The following WNT16 variants were observed in gnomAD, a reference collection of about 807,000 sequenced individuals.
WNT16 encodes the protein Wnt family member 16, also known as protein Wnt-16.
WNT16 carries 20 observed loss-of-function variants against 35.4 expected under a neutral mutation model. The ratio of observed to expected loss-of-function variants is 0.56; its 90% CI spans 0.40 to 0.82. The LOEUF (loss-of-function observed/expected upper bound fraction) is 0.82, where lower values mean the gene tolerates loss of function less well. Ranked by LOEUF, WNT16 falls within the 40% of genes least tolerant of loss-of-function variation. The pLI is 0.00. For missense variants in WNT16, 461 were observed against 466.0 expected (o/e 0.99, Z 0.10); for synonymous variants, 180 against 179.2 (o/e 1.00, Z -0.03).
intron 3 of WNT16, among the ~76,000 whole-genome samples, chr7:121,335,420 T>A (rs1793426582): frequency 6.6e-6 from 1 of 152,114 alleles, no homozygotes; most frequent in South Asian, 2.1e-4. Flanking sequence ...CCCTCCTGAT[T>A]GCTCTGACAT....
intron 3 of WNT16, among the ~76,000 whole-genome samples, chr7:121,333,641 G>A (rs1793388808): frequency 1.3e-5 from 2 of 151,916 alleles, no homozygotes; most frequent in South Asian, 4.1e-4. Context: ...ATTTTGAAAA[G>A]GTTAAATGTA....
In WNT16 at chr7:121,339,084, C is replaced by T. The variant is rs758183952; in HGVS notation, c.837C>T (p.Ile279=). ...RREKDQRKIP[I]HKDDLLYVNK... ...AAAAAGATCAGAGGAAAATACCAAT[C>T]CATAAGGATGATCTGCTCTATGTTA... Residue 279 remains isoleucine (I), a synonymous_variant, in exon 4 of 4, where the codon ATC becomes ATT. Coordinates refer to ENST00000222462, the MANE Select transcript of WNT16 (RefSeq NM_057168.2). 6 of 1,614,132 alleles carry T rather than the reference C, an allele frequency of 3.7e-6. No individual in the cohort carries two copies. Among genetic ancestry groups the T allele is most frequent in the Non-Finnish European group, 2.5e-6 (3 of 1,180,022 alleles).
rs1244265154 is a variant in WNT16 at position 121,329,280 on chromosome 7, C to G, written c.-13C>G. ...AGAGGAGCGGCTGGGCTGGGGGACT[C>G]CATGCGGGGGCGATGGACAGGGCGG... On this transcript the variant is annotated 5_prime_UTR_variant, in exon 1 of 4. Coordinates refer to ENST00000222462, the MANE Select transcript of WNT16 (RefSeq NM_057168.2). 4 of 1,548,858 alleles carry G rather than the reference C, an allele frequency of 2.6e-6. No homozygotes were observed. In the Admixed American group the frequency reaches 7.9e-5, roughly 31 times the overall value.
At chr7:121,329,503 A>T (rs908857461) in intron 1 of WNT16, 64 bp from the exon 2 acceptor site, 11 of 1,600,850 alleles carry the variant, frequency 6.9e-6, no homozygotes, top group Non-Finnish European at 9.4e-6. Context: ...CGAGTGACCT[A>T]ATTTTTCGGA....
rs1402635469 is a variant in WNT16, at chr7:121,331,880, A to G, written c.549A>G (p.Leu183=). 1.2e-6 allele frequency: 2 copies of G among 1,614,202 alleles called. No homozygotes were observed. The highest frequency in any genetic ancestry group is 1.1e-5 in the South Asian group (1 of 91,082). The change falls in exon 3 of 4, where the codon CTA becomes CTG. Residue 183 remains leucine (L), a synonymous_variant. Transcript: ENST00000222462. ...QYGMWFSRKF[L]DFPIGNTTGK... is the part of the protein sequence containing the mutation. Reference sequence around the variant, plus strand: ...GCATGTGGTTCAGCAGAAAGTTCCTAGATTTCCCCATCGGAAACACCACGG... The same window carrying G: ...GCATGTGGTTCAGCAGAAAGTTCCTGGATTTCCCCATCGGAAACACCACGG...
chr7:121,338,600 A>G (rs938461841), intron 3 of WNT16, among the ~76,000 whole-genome samples: 2 of 152,244 alleles, frequency 1.3e-5, no homozygotes, highest in African/African-American at 2.4e-5. Context: ...TTGTTATCGC[A>G]GATAATCTCC....
chr7:121,340,419 CTATT>C lies in WNT16; in HGVS notation c.*1076_*1079del, dbSNP rs1793513630. ...CTTATTTTTTTTCATACTATTAATG[CTATT>C]TTTTTGGACATCGAAGAGAATTTAA... On this transcript the variant is annotated 3_prime_UTR_variant, in exon 4 of 4. Transcript: ENST00000222462. 6.6e-6 allele frequency: 1 copy of C among 151,756 alleles called. No individual in the cohort carries two copies. Among genetic ancestry groups the C allele is most frequent in the African/African-American group, 2.4e-5 (1 of 41,310 alleles). 9.4% of individuals were successfully genotyped at this position (151,756 alleles called of 1,614,324 possible).
intron 2 of WNT16, among the ~76,000 whole-genome samples, chr7:121,330,101 CTA>C (rs1793314774): frequency 6.6e-6 from 1 of 152,216 alleles, no homozygotes; most frequent in Non-Finnish European, 1.5e-5. Context: ...TCTAATTCTC[CTA>C]CCCCGCCGAC....
At chr7:121,332,078 C>G (rs936437280) in intron 3 of WNT16, 114 bp downstream of exon 3, 22 of 1,223,894 alleles carry the variant, frequency 1.8e-5, no homozygotes, top group Non-Finnish European at 2.5e-5. Context: ...TGGCAGCCCT[C>G]AAGTGGGATC....
chr7:121,332,250 G>GTA (rs1442705751), intron 3 of WNT16, among the ~76,000 whole-genome samples: 1 of 152,012 alleles, frequency 6.6e-6, no homozygotes, highest in Non-Finnish European at 1.5e-5. Flanking sequence ...GTGTGTGTGT[G>GTA]TGTATACACA....
intron 2 of WNT16, among the ~76,000 whole-genome samples, chr7:121,330,581 T>C (rs1391865267): frequency 6.6e-6 from 1 of 152,064 alleles, no homozygotes; most frequent in Non-Finnish European, 1.5e-5. Flanking sequence ...GTTTTTCATG[T>C]TCATTTCCGT....
In WNT16 at chr7:121,329,158, C is replaced by T; in HGVS notation, c.-135C>T. On this transcript the variant is annotated 5_prime_UTR_variant, in exon 1 of 4. Coordinates refer to ENST00000222462, the MANE Select transcript of WNT16 (RefSeq NM_057168.2). ...GCTGAGAGTCCCTATCACTGCTGGC[C>T]TTTTAATGTTGTATGCAAGGAGGAA... 1 of 1,421,612 alleles carries T rather than the reference C, an allele frequency of 7.0e-7. No homozygotes were observed. The highest frequency in any genetic ancestry group is 9.2e-7 in the Non-Finnish European group (1 of 1,091,302). 88.1% of individuals were successfully genotyped at this position (1,421,612 alleles called of 1,614,324 possible).
intron 1 of WNT16, 81 bp from the exon 2 acceptor site, chr7:121,329,486 C>A (rs765008027): frequency 1.6e-5 from 26 of 1,596,628 alleles, no homozygotes; most frequent in Non-Finnish European, 2.2e-5. Context: ...GGGCGGGGAC[C>A]CTTAGACGAG....
At chr7:121,336,678 T>C (rs550584639) in intron 3 of WNT16, among the ~76,000 whole-genome samples, 25 of 152,320 alleles carry the variant, frequency 1.6e-4, no homozygotes, top group Non-Finnish European at 1.6e-4. Flanking sequence ...TTACTCCCTC[T>C]TGATTCAGTT....
At chr7:121,333,889 A>C (rs1584678053) in intron 3 of WNT16, among the ~76,000 whole-genome samples, 1 of 152,086 alleles carries the variant, frequency 6.6e-6, no homozygotes. Flanking sequence ...ACTTACAAAA[A>C]ACCCTAAAGC....
At chr7:121,334,794 C>T (rs1793414326) in intron 3 of WNT16, among the ~76,000 whole-genome samples, 1 of 152,054 alleles carries the variant, frequency 6.6e-6, no homozygotes, top group Admixed American at 6.5e-5. Flanking sequence ...AGGGGCAGAA[C>T]TTCTGGGAAT....
At position 121,340,632 on chromosome 7, in the gene WNT16, AGTCTT is replaced by A. The variant is rs1793517993; in HGVS notation, c.*1288_*1292del. 6.6e-6 allele frequency: 1 copy of A among 152,232 alleles called. No homozygotes were observed. Among genetic ancestry groups the A allele is most frequent in the African/African-American group, 2.4e-5 (1 of 41,448 alleles). 9.4% of individuals were successfully genotyped at this position (152,232 alleles called of 1,614,324 possible). ...TATTATAATAAATTATATTAGTAAA[AGTCTT>A]AACTGGAAAAAAGAATCTAAATCAG... On this transcript the variant is annotated 3_prime_UTR_variant, in exon 4 of 4. Coordinates refer to ENST00000222462, the MANE Select transcript of WNT16 (RefSeq NM_057168.2).
At chr7:121,329,951 G>A in intron 2 of WNT16, 134 bp downstream of exon 2, 1 of 1,356,148 alleles carries the variant, frequency 7.4e-7, no homozygotes. Flanking sequence ...TTAGTGCACG[G>A]GGATTGAGAG....
Position 121,339,561 on chromosome 7 carries a change from A to C in WNT16, c.*216A>C, listed in dbSNP as rs1051656684. ...ATTTCTTGGGATTCTAATGTTGAAA[A>C]GGTTTATATTCACCTTTTGATGATT... On this transcript the variant is annotated 3_prime_UTR_variant, in exon 4 of 4. Coordinates refer to ENST00000222462, the MANE Select transcript of WNT16 (RefSeq NM_057168.2). 4.1e-5 allele frequency: 22 copies of C among 531,450 alleles called. No individual in the cohort carries two copies. Among genetic ancestry groups the C allele is most frequent in the Non-Finnish European group, 7.3e-5 (22 of 300,646 alleles). The allele number at this position is 531,450 out of a possible 1,614,324, so 32.9% of individuals were successfully genotyped here.
Sources: gnomAD v4.1 joint callset for allele counts (sites outside exome capture counted in the v4.1 genomes callset) on GRCh38, gnomAD v4.1.1 for gene constraint, MANE v1.5 for transcripts, NCBI Gene and HGNC (gene_info 2026-07-23, HGNC 2026-07-21) for gene names.